ADAMTS7: variants seen among roughly 807,000 people sequenced by gnomAD.
ADAMTS7 encodes the protein A disintegrin and metalloproteinase with thrombospondin motifs 7.
In ADAMTS7, 89 loss-of-function variants were observed where a neutral mutation model predicts 172.6. The observed-to-expected ratio is 0.52, with a 90% confidence interval of 0.43 to 0.61. The LOEUF is 0.61. Ranked by LOEUF, ADAMTS7 falls within the 20% of genes least tolerant of loss-of-function variation. ADAMTS7 has a pLI of 0.00. For missense variants in ADAMTS7, 1,973 were observed against 2,355.6 expected (o/e 0.84, Z 3.36); for synonymous variants, 885 against 978.4 (o/e 0.90, Z 1.78).
Position 78,762,471 on chromosome 15 carries a change from C to T in ADAMTS7, c.4835G>A (p.Gly1612Asp). 1.9e-6 allele frequency: 3 copies of T among 1,584,538 alleles called. No homozygotes were observed. Among genetic ancestry groups the T allele is most frequent in the Non-Finnish European group, 2.6e-6 (3 of 1,166,098 alleles). Reference protein sequence around the residue: ...GLPEEDSDQCGHEAWPESSRP... With the variant: ...GLPEEDSDQCDHEAWPESSRP... The stretch of plus-strand genomic sequence containing the variant: ...GGAGCTCTCAGGCCAGGCCTCGTGG[C>T]CACACTGGTCACTGTCTTCCTCGGG... The change falls in exon 23 of 24, where the codon GGC becomes GAC. Residue 1612 changes from glycine (G) to aspartate (D), a missense_variant. Physicochemically the swap from Gly to Asp is moderately conservative, Grantham distance 94. Coordinates refer to ENST00000388820, the MANE Select transcript of ADAMTS7 (RefSeq NM_014272.5).
chr15:78,809,276 T>C (rs1194927311), intron 1 of ADAMTS7, among the ~76,000 whole-genome samples: 1 of 152,012 alleles, frequency 6.6e-6, no homozygotes, highest in African/African-American at 2.4e-5. Context: ...GAAGGTAACA[T>C]TCAGTGGTAG....
At chr15:78,777,774 C>A (rs1339768907) in intron 8 of ADAMTS7, among the ~76,000 whole-genome samples, 186 bp from the exon 9 acceptor site, 1 of 152,142 alleles carries the variant, frequency 6.6e-6, no homozygotes, top group Non-Finnish European at 1.5e-5. Flanking sequence ...GCCCTCCCGG[C>A]CTCTCTCATC....
rs138001376 is a variant in ADAMTS7 at position 78,771,726 on chromosome 15, C to T, written c.2235G>A (p.Glu745=). The T allele has an allele frequency of 1.2e-6, 2 of 1,610,084 alleles. No individual in the cohort carries two copies. Among genetic ancestry groups the T allele is most frequent in the Admixed American group, 1.7e-5 (1 of 60,010 alleles). The change falls in exon 15 of 24, where the codon GAG becomes GAA. Residue 745 remains glutamate (E), a synonymous_variant. Transcript: ENST00000388820. This position sits in a 1 kb window ranked among gnomAD's most constrained non-coding sequence, Gnocchi z 4.9. ...TCCAGCCACCATTGAGGAAGTACTT[C>T]TCCGGGTCCTCGCTCCGCAGTGCCA... ...NFLALRSEDP[E]KYFLNGGWTI...
Position 78,759,444 on chromosome 15 carries a change from G to A in ADAMTS7, c.5038C>T (p.His1680Tyr). Residue 1680 changes from histidine to tyrosine, a missense_variant, in exon 24 of 24, where the codon CAT (histidine) becomes TAT (tyrosine). By Grantham distance (83) the His-to-Tyr change is moderately conservative. Around this residue, in one of 8 missense-constraint regions of ADAMTS7, gnomAD observed 94 missense variants for 95.4 expected, o/e 0.99. Coordinates refer to ENST00000388820, the MANE Select transcript of ADAMTS7 (RefSeq NM_014272.5). ...PPSHGAPSRGHQRVARR is the reference protein window; with the variant it reads ...PPSHGAPSRGYQRVARR ...AGTCAGCGGCGGGCAACCCGCTGAT[G>A]GCCTCGGGAGGGGGCGCCGTGGCTG... The A allele has an allele frequency of 2.5e-6, 4 of 1,595,396 alleles. No homozygotes were observed. Among genetic ancestry groups the A allele is most frequent in the African/African-American group, 1.3e-5 (1 of 74,834 alleles).
chr15:78,778,605 G>C (rs1254766300), intron 8 of ADAMTS7, among the ~76,000 whole-genome samples: 1 of 152,186 alleles, frequency 6.6e-6, no homozygotes, highest in East Asian at 1.9e-4. Flanking sequence ...GACTTGCAGG[G>C]CTGGGGACGA....
At chr15:78,775,924 T>C (rs1423014769) in intron 11 of ADAMTS7, among the ~76,000 whole-genome samples, 2 of 152,218 alleles carry the variant, frequency 1.3e-5, no homozygotes, top group Non-Finnish European at 2.9e-5. Flanking sequence ...AGCCAGCAGC[T>C]GCTTTGCCAT....
At position 78,766,187 on chromosome 15, in the gene ADAMTS7, G is replaced by A. The variant is rs558087906; in HGVS notation, c.3724C>T (p.Pro1242Ser). The change falls in exon 19 of 24, where the codon CCT (proline) becomes TCT (serine). Residue 1242 changes from proline to serine, a missense_variant. Physicochemically the swap from Pro to Ser is moderately conservative, Grantham distance 74. Transcript: ENST00000388820. Reference sequence around the variant, plus strand: ...TGGGTGCTGCCAACAGGGGACAAAGGGGGCAGCGTGGAGCTGGGTCTCGGG... The same window carrying A: ...TGGGTGCTGCCAACAGGGGACAAAGAGGGCAGCGTGGAGCTGGGTCTCGGG... ...LPPRPSSTLP[P>S]LSPVGSTHSS... is the part of the protein sequence containing the mutation. 3.5e-5 allele frequency: 57 copies of A among 1,611,752 alleles called. No homozygotes were observed. In the South Asian group the frequency reaches 4.2e-4, roughly 12 times the overall value.
intron 23 of ADAMTS7, 151 bp from the exon 24 acceptor site, chr15:78,759,729 G>C (rs1197000858): frequency 9.7e-7 from 1 of 1,036,160 alleles, no homozygotes; most frequent in South Asian, 1.8e-5. Context: ...CGGAGTTGCA[G>C]GTCTCCAACT....
Position 78,762,577 on chromosome 15 carries a change from G to C in ADAMTS7, c.4741-12C>G, listed in dbSNP as rs11853054. On this transcript the variant is annotated splice_polypyrimidine_tract_variant and intron_variant, in intron 22 of 23. Coordinates refer to ENST00000388820, the MANE Select transcript of ADAMTS7 (RefSeq NM_014272.5). ...CAGGGGCCTGAGCACTGAGGGGAGC[G>C]GGGGAGGAATGAGTGTCTCCAGGGC... is the stretch of plus-strand genomic sequence containing the variant. 6.2e-6 allele frequency: 9 copies of C among 1,449,728 alleles called. No homozygotes were observed. Among genetic ancestry groups the C allele is most frequent in the South Asian group, 4.2e-5 (3 of 70,830 alleles). The allele number at this position is 1,449,728 out of a possible 1,614,324, so 89.8% of individuals were successfully genotyped here.
intron 4 of ADAMTS7, among the ~76,000 whole-genome samples, chr15:78,793,365 TTC>T (rs1204830494): frequency 1.3e-5 from 2 of 151,632 alleles, no homozygotes; most frequent in Admixed American, 6.6e-5. Flanking sequence ...TTTTTTTTTT[TTC>T]TTTTGAGACA....
intron 1 of ADAMTS7, among the ~76,000 whole-genome samples, chr15:78,804,431 T>C (rs1483249984): frequency 6.6e-6 from 1 of 152,160 alleles, no homozygotes; most frequent in Non-Finnish European, 1.5e-5. Context: ...ATTGGATTTA[T>C]ACCCAGCTCC....
At chr15:78,775,004 G>A (rs758510552) in intron 11 of ADAMTS7, among the ~76,000 whole-genome samples, 11 of 152,236 alleles carry the variant, frequency 7.2e-5, no homozygotes, top group Non-Finnish European at 1.6e-4. Context: ...GTGGCAGCAG[G>A]AAGCCTGAGC....
At chr15:78,763,088 G>A (rs551688693) in intron 22 of ADAMTS7, among the ~76,000 whole-genome samples, 68 of 152,302 alleles carry the variant, frequency 4.5e-4, no homozygotes, top group East Asian at 1.4e-3. Flanking sequence ...CCTGTGCTTC[G>A]TTGCGTTCCT....
At position 78,787,348 on chromosome 15, in the gene ADAMTS7, A is replaced by G. The variant is rs2055515644; in HGVS notation, c.1322+883T>C. ...CTTAGAACATTAAATAGCAAATTTG[A>G]AAAAAAAAAAACAAAAAAACACCAG... On this transcript the variant is annotated intron_variant, in intron 8 of 23. Coordinates refer to ENST00000388820, the MANE Select transcript of ADAMTS7 (RefSeq NM_014272.5). Among the ~76,000 whole-genome samples the G allele has an allele frequency of 4.8e-5, 3 of 62,522 alleles. No homozygotes were observed. In the South Asian group the frequency reaches 1.4e-3, roughly 28 times the overall value. 41.0% of individuals were successfully genotyped at this position (62,522 alleles called of 152,430 possible). A position where few individuals can be genotyped will look rare whatever the true frequency, so the allele number is the denominator to read the frequency against.
chr15:78,770,933 A>G, intron 16 of ADAMTS7: 4 of 592,882 alleles, frequency 6.7e-6, no homozygotes, highest in South Asian at 6.4e-5. Context: ...GCTGGAGCAC[A>G]CTGAACATGC....
At chr15:78,760,894 C>A (rs2055032818) in intron 23 of ADAMTS7, among the ~76,000 whole-genome samples, 1 of 152,126 alleles carries the variant, frequency 6.6e-6, no homozygotes, top group Non-Finnish European at 1.5e-5. Context: ...AAGCCCAGAG[C>A]CTCCTGGGCC....
intron 23 of ADAMTS7, 59 bp downstream of exon 23, chr15:78,762,344 C>T: frequency 7.4e-7 from 1 of 1,347,660 alleles, no homozygotes; most frequent in African/African-American, 1.5e-5. Context: ...ACCCCATTTC[C>T]CCATCACCCT....
intron 8 of ADAMTS7, among the ~76,000 whole-genome samples, chr15:78,787,687 CA>C (rs2055522796): frequency 1.3e-5 from 2 of 151,956 alleles, no homozygotes; most frequent in African/African-American, 2.4e-5. Context: ...ACAACAACAA[CA>C]AAAACACCAG....
At chr15:78,796,474 G>T (rs2055644477) in intron 4 of ADAMTS7, 116 bp downstream of exon 4, 2 of 1,190,358 alleles carry the variant, frequency 1.7e-6, no homozygotes, top group Non-Finnish European at 2.4e-6. Flanking sequence ...TTCCTACTTG[G>T]GGCCTAGACC....
Sources: gnomAD v4.1 joint callset for allele counts (sites outside exome capture counted in the v4.1 genomes callset) on GRCh38, gnomAD v4.1.1 for gene constraint, gnomAD v4.1.1 regional missense constraint, Gnocchi (gnomAD v3.1) non-coding constraint, MANE v1.5 for transcripts, NCBI Gene and HGNC (gene_info 2026-07-23, HGNC 2026-07-21) for gene names.